Variants in GKAP1 observed in about 807,000 individuals in gnomAD.
GKAP1 encodes G kinase-anchoring protein 1.
In GKAP1, 31 loss-of-function variants were observed where a neutral mutation model predicts 56.7. The observed-to-expected ratio is 0.55, with a 90% CI of 0.41 to 0.74. The LOEUF (loss-of-function observed/expected upper bound fraction) is 0.74. Ranked by LOEUF, GKAP1 falls within the 30% of genes least tolerant of loss-of-function variation. The probability of loss-of-function intolerance (pLI) is 0.00; values close to 1 mark genes in which losing one functional copy is unlikely to be tolerated. For missense variants in GKAP1, 364 were observed against 402.3 expected, an observed-to-expected ratio of 0.90 and a Z score of 0.82; for synonymous variants, 151 against 138.6, an observed-to-expected ratio of 1.09 and a Z score of -0.63.
intron 6 of GKAP1, among the ~76,000 whole-genome samples, chr9:83,782,144 T>G (rs1007291222): frequency 1.3e-5 from 2 of 151,248 alleles, no homozygotes; most frequent in Non-Finnish European, 3.0e-5. Flanking sequence ...GCCCAGCCAC[T>G]TCTTTCTTTT....
At chr9:83,761,793 A>G (rs1943576310) in intron 8 of GKAP1, among the ~76,000 whole-genome samples, 1 of 152,242 alleles carries the variant, frequency 6.6e-6, no homozygotes, top group Non-Finnish European at 1.5e-5. Flanking sequence ...CAACAGAATG[A>G]AGGACAAAAA....
intron 8 of GKAP1, among the ~76,000 whole-genome samples, chr9:83,768,538 T>C (rs1357813151): frequency 6.6e-6 from 1 of 152,236 alleles, no homozygotes; most frequent in African/African-American, 2.4e-5. Flanking sequence ...AAGAAAGGTC[T>C]TATCCATCTT....
intron 2 of GKAP1, among the ~76,000 whole-genome samples, chr9:83,811,214 T>C (rs1944501795): frequency 6.6e-6 from 1 of 152,204 alleles, no homozygotes; most frequent in South Asian, 2.1e-4. Flanking sequence ...CCTAACTCCA[T>C]TGAAAAGTGT....
intron 2 of GKAP1, among the ~76,000 whole-genome samples, chr9:83,812,908 C>G (rs142092731): frequency 6.3e-4 from 96 of 152,202 alleles, no homozygotes; most frequent in African/African-American, 2.2e-3. Context: ...GAACACTACC[C>G]TCGTTAACTA....
At chr9:83,748,519 G>A (rs566248596) in intron 9 of GKAP1, 147 bp from the exon 10 acceptor site, 66 of 483,720 alleles carry the variant, frequency 1.4e-4, no homozygotes, top group South Asian at 8.9e-4. Context: ...AAATGTATTC[G>A]GAACTATCTA....
At chr9:83,778,315 A>C (rs992291864) in intron 7 of GKAP1, among the ~76,000 whole-genome samples, 1 of 152,220 alleles carries the variant, frequency 6.6e-6, no homozygotes, top group Non-Finnish European at 1.5e-5. Context: ...TCAATGGTAG[A>C]CTGGATAAAG....
chr9:83,799,510 G>T lies in GKAP1; in HGVS notation c.217-182C>A, dbSNP rs528105896. Among the ~76,000 whole-genome samples, 138 of 152,042 alleles carry T rather than the reference G, an allele frequency of 9.1e-4. 1 individual carries two copies. Among genetic ancestry groups the T allele is most frequent in the African/African-American group, 3.3e-3 (135 of 41,442 alleles). ...ATAATCTTTGTAGAATGTTAATTTTGCCAGCATTTGAGATAATGTTGGTAG... is the reference window on the plus strand; with the variant it reads ...ATAATCTTTGTAGAATGTTAATTTTTCCAGCATTTGAGATAATGTTGGTAG... On this transcript the variant is annotated intron_variant, in intron 3 of 12. Coordinates refer to ENST00000376371, the MANE Select transcript of GKAP1 (RefSeq NM_025211.4).
At position 83,751,850 on chromosome 9, in the gene GKAP1, C is replaced by T. The variant is rs1339700176; in HGVS notation, c.840+1408G>A. 2.0e-5 allele frequency among the ~76,000 whole-genome samples: 3 copies of T among 151,360 alleles called. No homozygotes were observed. In the East Asian group the frequency reaches 5.8e-4, roughly 29 times the overall value. The stretch of plus-strand genomic sequence containing the variant: ...AAGTGCTGGAAAGGATGTGGAGAAA[C>T]TGGAACCTTTGTTCACTCCTGGTGG... On this transcript the variant is annotated intron_variant, in intron 9 of 12. Coordinates refer to ENST00000376371, the MANE Select transcript of GKAP1 (RefSeq NM_025211.4).
At chr9:83,817,418 G>A (rs963665292) in intron 1 of GKAP1, 99 bp downstream of exon 1, 3 of 151,604 alleles carry the variant, frequency 2.0e-5, no homozygotes, top group Admixed American at 6.6e-5. Context: ...CCCGCCACCC[G>A]AGGCCGGGGC....
At chr9:83,751,131 C>T (rs138877021) in intron 9 of GKAP1, among the ~76,000 whole-genome samples, 97 of 152,186 alleles carry the variant, frequency 6.4e-4, no homozygotes, top group African/African-American at 2.2e-3. Flanking sequence ...CCACCATGCC[C>T]GGCCTAAAGA....
chr9:83,778,942 T>A (rs553312622), intron 7 of GKAP1, among the ~76,000 whole-genome samples: 1 of 152,226 alleles, frequency 6.6e-6, no homozygotes, highest in East Asian at 1.9e-4. Context: ...ATACAACTCA[T>A]CTTTAATATA....
At chr9:83,802,533 T>C (rs1395316083) in intron 3 of GKAP1, among the ~76,000 whole-genome samples, 2 of 149,416 alleles carry the variant, frequency 1.3e-5, no homozygotes, top group East Asian at 3.9e-4. Context: ...GTACATTCAA[T>C]GCAAGTTACA....
intron 5 of GKAP1, 57 bp from the exon 6 acceptor site, chr9:83,784,895 A>G: frequency 7.4e-7 from 1 of 1,346,880 alleles, no homozygotes; most frequent in Non-Finnish European, 1.0e-6. Context: ...AAATAAACTC[A>G]CCAACAGGTA....
chr9:83,752,105 T>C (rs1306411779), intron 9 of GKAP1, among the ~76,000 whole-genome samples: 1 of 152,180 alleles, frequency 6.6e-6, no homozygotes, highest in African/African-American at 2.4e-5. Context: ...TGGATGAACC[T>C]TAAAAACATT....
rs371456553 is a variant in GKAP1, at chr9:83,742,024, A to G, written c.981T>C (p.Thr327=). The change falls in exon 12 of 13, where the codon ACT becomes ACC. Residue 327 remains threonine, a synonymous_variant. Coordinates refer to ENST00000376371, the MANE Select transcript of GKAP1 (RefSeq NM_025211.4). ...SIKNELTIQV[T]SLHAALEQER... is the part of the protein sequence containing the mutation. ...CTTGTTCTAATGCAGCATGAAGTGA[A>G]GTCACCTATAACCAAATATTCAATA... 41 of 1,583,886 alleles carry G rather than the reference A, an allele frequency of 2.6e-5. No individual in the cohort carries two copies. In the African/African-American group the frequency reaches 4.8e-4, roughly 19 times the overall value.
intron 10 of GKAP1, among the ~76,000 whole-genome samples, chr9:83,743,447 T>C (rs568991210): frequency 6.6e-6 from 1 of 151,856 alleles, no homozygotes; most frequent in African/African-American, 2.4e-5. Flanking sequence ...ACACAAAAAT[T>C]AGCCAGGTAT....
chr9:83,772,149 A>T (rs1313707763), intron 7 of GKAP1, among the ~76,000 whole-genome samples: 1 of 152,164 alleles, frequency 6.6e-6, no homozygotes, highest in African/African-American at 2.4e-5. Flanking sequence ...TTAACATAAT[A>T]AGTCTAGCCA....
At chr9:83,789,648 A>G (rs777016908) in intron 4 of GKAP1, among the ~76,000 whole-genome samples, 5 of 152,200 alleles carry the variant, frequency 3.3e-5, no homozygotes, top group Non-Finnish European at 2.9e-5. Flanking sequence ...AATTCTGTAC[A>G]CTAAGCACTA....
intron 3 of GKAP1, among the ~76,000 whole-genome samples, chr9:83,803,271 C>G (rs7851405): frequency 0.01 from 1,533 of 151,718 alleles, 26 homozygotes; most frequent in African/African-American, 0.035. Flanking sequence ...TCTCCCTCTC[C>G]CTCTCTTTCC....
Sources: allele counts gnomAD v4.1 joint callset (sites outside exome capture counted in the v4.1 genomes callset), GRCh38; gene constraint gnomAD v4.1.1; transcripts MANE v1.5; gene names NCBI Gene and HGNC (gene_info 2026-07-23, HGNC 2026-07-21).